The following TTLL10 variants were observed in gnomAD, a reference collection of about 807,000 sequenced individuals.
TTLL10 encodes tubulin tyrosine ligase like 10.
TTLL10 carries 61 observed loss-of-function variants against 69.0 expected under a neutral mutation model. The ratio of observed to expected loss-of-function variants is 0.88; its 90% confidence interval spans 0.72 to 1.09. TTLL10 has a LOEUF of 1.09. Among genes scored for constraint, TTLL10 ranks in the 50% least tolerant of loss-of-function variants. The pLI is 0.00. For synonymous variants in TTLL10, 408 were observed against 393.3 expected (o/e 1.04, Z -0.44); for missense variants, 962 against 945.9 (o/e 1.02, Z -0.22).
Position 1,179,246 on chromosome 1 carries a change from C to T in TTLL10, c.31C>T (p.Arg11Cys), listed in dbSNP as rs569439371. 44 of 1,549,744 alleles carry T rather than the reference C, an allele frequency of 2.8e-5. No individual in the cohort carries two copies. The East Asian group carries it at 2.9e-4, about 10-fold the overall frequency. The change falls in exon 4 of 16, where the codon CGC becomes TGC. Residue 11 changes from arginine to cysteine, a missense_variant. Arg to Cys is a radical substitution (Grantham distance 180, BLOSUM62 -3). Transcript: ENST00000379289. MDHSCTRFIHRRGPPTRTRAG... is the reference protein window; with the variant it reads MDHSCTRFIHCRGPPTRTRAG... Reference sequence around the variant, plus strand: ...CCACAGCTGCACCCGGTTCATCCACCGCCGGGGACCACCCACTCGGACCCG... The same window carrying T: ...CCACAGCTGCACCCGGTTCATCCACTGCCGGGGACCACCCACTCGGACCCG...
At position 1,179,720 on chromosome 1, in the gene TTLL10, C is replaced by T. The variant is rs901393177; in HGVS notation, c.182C>T (p.Pro61Leu). The T allele has an allele frequency of 6.5e-7, 1 of 1,550,116 alleles. No homozygotes were observed. The highest frequency in any genetic ancestry group is 8.7e-7 in the Non-Finnish European group (1 of 1,146,634). ...TCACAGCCCGGCCCCTGCCCTGCAC[C>T]AGGCCACTGCCCTGTTGGTGAGGAG... ...PASQPGPCPA[P>L]GHCPVGPAHE... The change falls in exon 5 of 16, where the codon CCA becomes CTA. Residue 61 changes from proline (P) to leucine (L), a missense_variant. By Grantham distance (98) the Pro-to-Leu change is moderately conservative. Transcript: ENST00000379289.
At position 1,180,804 on chromosome 1, in the gene TTLL10, G is replaced by T; in HGVS notation, c.699G>T (p.Arg233=). 1 of 1,604,668 alleles carries T rather than the reference G, an allele frequency of 6.2e-7. No homozygotes were observed. The highest frequency in any genetic ancestry group is 8.5e-7 in the Non-Finnish European group (1 of 1,176,526). ...TTKIGLLSTL[R]GRARAMSKAS... ...AGATCGGGCTGCTCAGCACCCTTCG[G>T]GGACGGGCACGGGCCATGAGCAAGG... The change falls in exon 8 of 16, where the codon CGG becomes CGT. Residue 233 remains arginine (R), a synonymous_variant. Coordinates refer to ENST00000379289, the MANE Select transcript of TTLL10 (RefSeq NM_001130045.2).
Position 1,180,154 on chromosome 1 carries a change from C to A in TTLL10, c.320C>A (p.Ala107Asp). The change falls in exon 6 of 16, where the codon GCC becomes GAC. Residue 107 changes from alanine to aspartate, a missense_variant. Coordinates refer to ENST00000379289, the MANE Select transcript of TTLL10 (RefSeq NM_001130045.2). ...CCGGACCTGGAGGGGGCAGAAAGAG[C>A]CTCTGCCACACCCGGACCCCCTGGG... Reference protein sequence around the residue: ...CGPDLEGAERASATPGPPGLL... With the variant: ...CGPDLEGAERDSATPGPPGLL... The A allele has an allele frequency of 6.2e-7, 1 of 1,611,252 alleles. No homozygotes were observed. Among genetic ancestry groups the A allele is most frequent in the South Asian group, 1.1e-5 (1 of 90,806 alleles).
intron 13 of TTLL10, among the ~76,000 whole-genome samples, chr1:1,195,486 ACAT>A (rs1648130546): frequency 7.7e-6 from 1 of 129,038 alleles, no homozygotes; most frequent in Non-Finnish European, 1.6e-5. Context: ...ATTTGATAAG[ACAT>A]CATCGTCATA....
Position 1,174,274 on chromosome 1 carries a change from T to A in TTLL10, c.-130-11T>A, listed in dbSNP as rs1646816388. ...GCTGCTTGAGCCCACAGGTCGTGCG[T>A]CCTTTGACAGCGGCCTCCGGCCGGG... On this transcript the variant is annotated splice_polypyrimidine_tract_variant and intron_variant, in intron 1 of 15. Coordinates refer to ENST00000379289, the MANE Select transcript of TTLL10 (RefSeq NM_001130045.2). 1 of 152,620 alleles carries A rather than the reference T, an allele frequency of 6.6e-6. No homozygotes were observed. Among genetic ancestry groups the A allele is most frequent in the African/African-American group, 2.4e-5 (1 of 41,460 alleles). 9.5% of individuals were successfully genotyped at this position (152,620 alleles called of 1,614,324 possible).
chr1:1,183,910 G>T lies in TTLL10; in HGVS notation c.1089-10G>T, dbSNP rs776706133. ...GGCTCAGCCCAGCAGCCCCGACATG[G>T]TGCCCCCAGGTACATCCAGAACCCG... On this transcript the variant is annotated splice_polypyrimidine_tract_variant and intron_variant, in intron 11 of 15. Coordinates refer to ENST00000379289, the MANE Select transcript of TTLL10 (RefSeq NM_001130045.2). 2 of 1,614,070 alleles carry T rather than the reference G, an allele frequency of 1.2e-6. No homozygotes were observed. Among genetic ancestry groups the T allele is most frequent in the Non-Finnish European group, 1.7e-6 (2 of 1,179,978 alleles).
Position 1,197,073 on chromosome 1 carries a change from C to T in TTLL10, c.1519-20C>T. 1.3e-6 allele frequency: 2 copies of T among 1,550,820 alleles called. No homozygotes were observed. Among genetic ancestry groups the T allele is most frequent in the Non-Finnish European group, 1.7e-6 (2 of 1,146,450 alleles). On this transcript the variant is annotated intron_variant, in intron 14 of 15. Coordinates refer to ENST00000379289, the MANE Select transcript of TTLL10 (RefSeq NM_001130045.2). ...CCAGTGGGCTCGGGGTGAGGAGGGA[C>T]TGACTGGCGTCTGGGGCAGGTATGG...
intron 7 of TTLL10, 55 bp downstream of exon 7, chr1:1,180,656 G>T: frequency 6.4e-7 from 1 of 1,556,740 alleles, no homozygotes; most frequent in Non-Finnish European, 8.7e-7. Flanking sequence ...CTGGGCCGGA[G>T]CACAGGGCAG....
intron 4 of TTLL10, 126 bp from the exon 5 acceptor site, chr1:1,179,531 C>T (rs1010732597): frequency 4.4e-5 from 65 of 1,467,652 alleles, no homozygotes; most frequent in Non-Finnish European, 5.7e-5. Context: ...CTGTCGCGCT[C>T]CGCGGCCCAG....
At chr1:1,183,897 C>T (rs778528750) in intron 11 of TTLL10, 23 bp from the exon 12 acceptor site, 41 of 1,613,540 alleles carry the variant, frequency 2.5e-5, no homozygotes, top group Non-Finnish European at 3.3e-5. Flanking sequence ...CTCAGCCCAG[C>T]AGCCCCGACA....
At chr1:1,186,352 G>A (rs573700321) in intron 13 of TTLL10, among the ~76,000 whole-genome samples, 1 of 152,264 alleles carries the variant, frequency 6.6e-6, no homozygotes, top group Admixed American at 6.5e-5. Context: ...GCCTCCCAAA[G>A]TGCTGGGATT....
rs939476634 is a variant in TTLL10 at position 1,179,209 on chromosome 1, C to T, written c.-7C>T. 6.5e-7 allele frequency: 1 copy of T among 1,537,160 alleles called. No homozygotes were observed. Among genetic ancestry groups the T allele is most frequent in the Non-Finnish European group, 8.8e-7 (1 of 1,140,024 alleles). ...TTCAGGGCCCTCGCCCGGGCACCCC[C>T]CGGCCAATGGACCACAGCTGCACCC... On this transcript the variant is annotated 5_prime_UTR_variant, in exon 4 of 16. Coordinates refer to ENST00000379289, the MANE Select transcript of TTLL10 (RefSeq NM_001130045.2).
At chr1:1,197,379 C>A in intron 15 of TTLL10, 59 bp from the exon 16 acceptor site, 2 of 744,582 alleles carry the variant, frequency 2.7e-6, no homozygotes, top group Non-Finnish European at 4.4e-6. Flanking sequence ...ACACCCTCCC[C>A]ACCCCCTCCA....
At position 1,185,289 on chromosome 1, in the gene TTLL10, G is replaced by A. The variant is rs1647233968; in HGVS notation, c.1401+180G>A. On this transcript the variant is annotated intron_variant, in intron 13 of 15. Transcript: ENST00000379289. The surrounding 1 kb of genome is among the most constrained non-coding windows in gnomAD (Gnocchi z 6.1). ...TCTGCTCACTTAGCTGGCAGTGCCT[G>A]TCCCCAGCAGCCAGCAAAGGCCCGG... is the stretch of plus-strand genomic sequence containing the variant. The A allele has an allele frequency of 7.1e-7, 1 of 1,409,392 alleles. No individual in the cohort carries two copies. The highest frequency in any genetic ancestry group is 1.6e-5 in the South Asian group (1 of 60,866). The allele number at this position is 1,409,392 out of a possible 1,614,324, so 87.3% of individuals were successfully genotyped here.
chr1:1,182,175 C>T (rs992496878), intron 9 of TTLL10, among the ~76,000 whole-genome samples, 186 bp from the exon 10 acceptor site: 2 of 152,218 alleles, frequency 1.3e-5, no homozygotes, highest in African/African-American at 4.8e-5. Flanking sequence ...CAGCCAGCAG[C>T]ACAGCCCGTT....
intron 13 of TTLL10, among the ~76,000 whole-genome samples, chr1:1,188,405 ATTT>A (rs57122719): frequency 2.1e-5 from 3 of 140,358 alleles, no homozygotes; most frequent in African/African-American, 2.6e-5. Flanking sequence ...GTCCAATGAA[ATTT>A]TTTTTTTTTT....
chr1:1,196,610 A>C lies in TTLL10; in HGVS notation c.1412A>C (p.Gln471Pro). The C allele has an allele frequency of 1.9e-6, 3 of 1,551,534 alleles. No individual in the cohort carries two copies. Among genetic ancestry groups the C allele is most frequent in the Non-Finnish European group, 2.6e-6 (3 of 1,146,818 alleles). Residue 471 changes from glutamine (Q) to proline (P), a missense_variant, in exon 14 of 16, where the codon CAG becomes CCG. By Grantham distance (76) the Gln-to-Pro change is moderately conservative (BLOSUM62 -1). Coordinates refer to ENST00000379289, the MANE Select transcript of TTLL10 (RefSeq NM_001130045.2). ...CCTGCCTCCCTGCAGAAGCGGATGC[A>C]GCAGATCATGGCCCACTGCTTTCTG... Reference protein sequence around the residue: ...WVFTTLKKRMQQIMAHCFLAA... With the variant: ...WVFTTLKKRMPQIMAHCFLAA...
intron 4 of TTLL10, 137 bp from the exon 5 acceptor site, chr1:1,179,520 G>T: frequency 7.1e-7 from 1 of 1,410,982 alleles, no homozygotes; most frequent in Non-Finnish European, 9.6e-7. Flanking sequence ...ACAGAGGGGA[G>T]CTGTCGCGCT....
intron 5 of TTLL10, 23 bp from the exon 6 acceptor site, chr1:1,180,011 G>A (rs1646995149): frequency 6.7e-7 from 1 of 1,501,618 alleles, no homozygotes; most frequent in Non-Finnish European, 8.9e-7. Flanking sequence ...AGCCACCCCG[G>A]TGGGACCCCA....
Sources: gnomAD v4.1 joint callset for allele counts (sites outside exome capture counted in the v4.1 genomes callset) on GRCh38, gnomAD v4.1.1 for gene constraint, Gnocchi (gnomAD v3.1) non-coding constraint, MANE v1.5 for transcripts, NCBI Gene and HGNC (gene_info 2026-07-23, HGNC 2026-07-21) for gene names.